Variants in UBE2D2 observed in about 807,000 individuals in gnomAD.
UBE2D2 encodes the protein ubiquitin conjugating enzyme E2 D2, also known as ubiquitin-conjugating enzyme E2 D2.
UBE2D2 carries 2 observed loss-of-function variants against 24.2 expected under a neutral mutation model. The ratio of observed to expected loss-of-function variants is 0.08; its 90% CI spans 0.03 to 0.26. The LOEUF is 0.26. UBE2D2 is among the 10% of genes least tolerant of loss of function. The pLI is 1.00. For synonymous variants in UBE2D2, 58 were observed against 56.5 expected (o/e 1.03, Z -0.12); for missense variants, 44 against 177.6 (o/e 0.25, Z 4.28).
At chr5:139,533,354 A>G (rs1752621297) in intron 1 of UBE2D2, among the ~76,000 whole-genome samples, 1 of 152,040 alleles carries the variant, frequency 6.6e-6, no homozygotes, top group African/African-American at 2.4e-5. Flanking sequence ...AAGAGGTTGA[A>G]AGGAAAAGAA....
At chr5:139,616,314 A>C (rs1243351350) in intron 5 of UBE2D2, among the ~76,000 whole-genome samples, 1 of 151,752 alleles carries the variant, frequency 6.6e-6, no homozygotes, top group Admixed American at 6.6e-5. Flanking sequence ...AGCCTGGGGG[A>C]CAGAGCGAGA....
intron 1 of UBE2D2, among the ~76,000 whole-genome samples, chr5:139,570,159 CAGG>C (rs2126654193): frequency 6.7e-6 from 1 of 150,306 alleles, no homozygotes; most frequent in Admixed American, 6.6e-5. Context: ...CCTAGCTACT[CAGG>C]AGGCTGAGAC....
At position 139,561,374 on chromosome 5, in the gene UBE2D2, C is replaced by A. The variant is rs942535509; in HGVS notation, c.-418C>A. On this transcript the variant is annotated 5_prime_UTR_variant, in exon 1 of 7. Transcript: ENST00000398733. ...CGGCGGCGCAGCCCGCCCGCCCGCGCGTCCCTCGGTCCACCTGCAGCAGGG... is the reference window on the plus strand; with the variant it reads ...CGGCGGCGCAGCCCGCCCGCCCGCGAGTCCCTCGGTCCACCTGCAGCAGGG... 6.1e-6 allele frequency: 1 copy of A among 165,020 alleles called. No homozygotes were observed. Among genetic ancestry groups the A allele is most frequent in the African/African-American group, 2.4e-5 (1 of 41,872 alleles). 10.2% of individuals were successfully genotyped at this position (165,020 alleles called of 1,614,324 possible).
rs1581491572 is a variant in UBE2D2 at position 139,561,429 on chromosome 5, G to A, written c.-363G>A. 4.2e-6 allele frequency: 1 copy of A among 239,168 alleles called. No individual in the cohort carries two copies. The highest frequency in any genetic ancestry group is 7.8e-5 in the East Asian group (1 of 12,796). The allele number at this position is 239,168 out of a possible 1,614,324, so 14.8% of individuals were successfully genotyped here. A position where few individuals can be genotyped will look rare whatever the true frequency, so the allele number is the denominator to read the frequency against. ...AGACAGGCAATCCCTCCGGCTGTCC[G>A]ACCAAGAGAGGCCGGCCGAGCCCGA... is the stretch of plus-strand genomic sequence containing the variant. On this transcript the variant is annotated 5_prime_UTR_variant, in exon 1 of 7. Coordinates refer to ENST00000398733, the MANE Select transcript of UBE2D2 (RefSeq NM_003339.3).
chr5:139,565,011 C>G (rs1043449680), intron 1 of UBE2D2, among the ~76,000 whole-genome samples: 1 of 152,038 alleles, frequency 6.6e-6, no homozygotes. Context: ...ATCTTCTGTC[C>G]TAGTAATGTG....
intron 1 of UBE2D2, among the ~76,000 whole-genome samples, chr5:139,553,207 A>C (rs1318895550): frequency 6.6e-6 from 1 of 152,190 alleles, no homozygotes; most frequent in Non-Finnish European, 1.5e-5. Context: ...TACCTTACGA[A>C]ATACCAGAAA....
At chr5:139,552,197 CTG>C (rs1380779112) in intron 1 of UBE2D2, among the ~76,000 whole-genome samples, 4 of 148,030 alleles carry the variant, frequency 2.7e-5, no homozygotes, top group African/African-American at 7.5e-5. Flanking sequence ...GAGTCTCACT[CTG>C]TTGCCCAGAC....
chr5:139,551,273 C>G (rs537905094), intron 1 of UBE2D2, among the ~76,000 whole-genome samples: 2 of 152,222 alleles, frequency 1.3e-5, no homozygotes, highest in African/African-American at 2.4e-5. Flanking sequence ...TGCTTCAACC[C>G]ATGAGGCAGA....
intron 6 of UBE2D2, among the ~76,000 whole-genome samples, chr5:139,626,456 ATT>A (rs563089761): frequency 5.1e-4 from 78 of 152,236 alleles, no homozygotes; most frequent in Non-Finnish European, 8.7e-4. Flanking sequence ...AAATGAATGA[ATT>A]GAGTGGACAT....
At chr5:139,574,577 T>C (rs1332922743) in intron 1 of UBE2D2, among the ~76,000 whole-genome samples, 2 of 151,950 alleles carry the variant, frequency 1.3e-5, no homozygotes, top group South Asian at 2.1e-4. Context: ...AACTGTAGAA[T>C]CGTTTCTTAG....
chr5:139,563,485 A>AT (rs1561503574), intron 1 of UBE2D2, among the ~76,000 whole-genome samples: 2 of 152,314 alleles, frequency 1.3e-5, no homozygotes. Context: ...ATCCAAAAAA[A>AT]ATATATACAT....
chr5:139,550,909 C>G (rs928696975), intron 1 of UBE2D2, among the ~76,000 whole-genome samples: 1 of 152,186 alleles, frequency 6.6e-6, no homozygotes, highest in Non-Finnish European at 1.5e-5. Flanking sequence ...GAGTCTGGGG[C>G]TTCATTCTTC....
chr5:139,565,760 T>C (rs1002696484), intron 1 of UBE2D2, among the ~76,000 whole-genome samples: 6 of 152,192 alleles, frequency 3.9e-5, no homozygotes, highest in Non-Finnish European at 7.4e-5. Flanking sequence ...GGAGGCTTTT[T>C]GGTGCTCTTA....
At chr5:139,551,070 G>C (rs1581486059) in intron 1 of UBE2D2, among the ~76,000 whole-genome samples, 1 of 152,098 alleles carries the variant, frequency 6.6e-6, no homozygotes, top group Non-Finnish European at 1.5e-5. Context: ...CGGCGGGGGA[G>C]GGGGGAGGTC....
intron 1 of UBE2D2, among the ~76,000 whole-genome samples, chr5:139,574,554 G>A (rs551635323): frequency 6.6e-6 from 1 of 151,996 alleles, no homozygotes; most frequent in East Asian, 1.9e-4. Flanking sequence ...AGGCATACAG[G>A]CAGTCAGAGT....
rs1459874737 is a variant in UBE2D2, at chr5:139,561,511, G to A, written c.-281G>A. The A allele has an allele frequency of 5.0e-6, 2 of 404,012 alleles. No homozygotes were observed. The highest frequency in any genetic ancestry group is 4.2e-5 in the African/African-American group (2 of 48,136). The allele number at this position is 404,012 out of a possible 1,614,324, so 25.0% of individuals were successfully genotyped here. Reference sequence around the variant, plus strand: ...CTGCGGCGGTTTAGGAGGCGGCGCTGATCCTGGGAGGAAGAGGCAGCTACG... The same window carrying A: ...CTGCGGCGGTTTAGGAGGCGGCGCTAATCCTGGGAGGAAGAGGCAGCTACG... On this transcript the variant is annotated 5_prime_UTR_variant, in exon 1 of 7. Transcript: ENST00000398733.
intron 6 of UBE2D2, 26 bp downstream of exon 6, chr5:139,623,487 T>C: frequency 1.3e-6 from 2 of 1,559,146 alleles, no homozygotes; most frequent in South Asian, 1.1e-5. Context: ...AGATGGAAAG[T>C]TATCTGTGGT....
chr5:139,585,163 G>A (rs1194453444), intron 1 of UBE2D2, among the ~76,000 whole-genome samples: 1 of 150,550 alleles, frequency 6.6e-6, no homozygotes. Flanking sequence ...GCCTCCCAAA[G>A]TGCTGGGATT....
intron 1 of UBE2D2, among the ~76,000 whole-genome samples, chr5:139,546,639 C>T (rs916720777): frequency 4.0e-5 from 6 of 151,750 alleles, no homozygotes; most frequent in Admixed American, 2.0e-4. Flanking sequence ...TGCACCACCA[C>T]GCCCAGCTAA....
Sources: gnomAD v4.1 joint callset for allele counts (sites outside exome capture counted in the v4.1 genomes callset) on GRCh38, gnomAD v4.1.1 for gene constraint, MANE v1.5 for transcripts, NCBI Gene and HGNC (gene_info 2026-07-23, HGNC 2026-07-21) for gene names.